The following LRRFIP2 variants were observed in gnomAD, a reference collection of about 807,000 sequenced individuals.
The protein encoded by LRRFIP2 is leucine-rich repeat flightless-interacting protein 2.
Under a neutral mutation model 125.9 loss-of-function variants are expected in LRRFIP2, and 109 were observed. The observed-to-expected ratio is 0.87, with a 90% CI of 0.74 to 1.01. The LOEUF is 1.01. Ranked by LOEUF, LRRFIP2 falls within the 50% of genes least tolerant of loss-of-function variation. The probability of loss-of-function intolerance (pLI) is 0.00; values close to 1 mark genes in which losing one functional copy is unlikely to be tolerated. For missense variants in LRRFIP2, 850 were observed against 862.3 expected (o/e 0.99, Z 0.18); for synonymous variants, 291 against 293.1 (o/e 0.99, Z 0.07).
chr3:37,171,058 A>T (rs1469267419), intron 1 of LRRFIP2: 8 of 152,350 alleles, frequency 5.3e-5, no homozygotes, highest in African/African-American at 1.9e-4. Context: ...TGGGCATCAG[A>T]GTGAGACCCT....
At chr3:37,108,217 G>T in intron 12 of LRRFIP2, 88 bp from the exon 13 acceptor site, 1 of 1,036,032 alleles carries the variant, frequency 9.7e-7, no homozygotes, top group Non-Finnish European at 1.5e-6. Flanking sequence ...TACCTAACTT[G>T]CCCCTGGTTC....
chr3:37,115,040 C>A lies in LRRFIP2; in HGVS notation c.372+14G>T. The A allele has an allele frequency of 6.3e-7, 1 of 1,590,624 alleles. No homozygotes were observed. The highest frequency in any genetic ancestry group is 1.1e-5 in the South Asian group (1 of 88,876). The stretch of plus-strand genomic sequence containing the variant: ...TAAAATTCCACATATAACACAAAGT[C>A]ATGTGCTACATACTAATGATGAAAG... On this transcript the variant is annotated intron_variant, in intron 7 of 27. Coordinates refer to ENST00000336686, the MANE Select transcript of LRRFIP2 (RefSeq NM_006309.4).
chr3:37,096,496 T>C, intron 16 of LRRFIP2, 120 bp downstream of exon 16: 2 of 662,240 alleles, frequency 3.0e-6, no homozygotes, highest in South Asian at 1.8e-5. Context: ...GGACAGGAAA[T>C]AGATGAAGGG....
intron 9 of LRRFIP2, 104 bp downstream of exon 9, chr3:37,110,887 A>G: frequency 1.1e-6 from 1 of 933,630 alleles, no homozygotes; most frequent in Non-Finnish European, 1.7e-6. Flanking sequence ...GTATATACGT[A>G]GCCATTTACA....
intron 18 of LRRFIP2, among the ~76,000 whole-genome samples, chr3:37,089,214 C>G (rs769735061): frequency 6.6e-6 from 1 of 152,058 alleles, no homozygotes; most frequent in African/African-American, 2.4e-5. Context: ...CTTTGACTTA[C>G]AAAATCGTTA....
At chr3:37,101,594 G>A (rs2094050477) in intron 15 of LRRFIP2, among the ~76,000 whole-genome samples, 1 of 151,468 alleles carries the variant, frequency 6.6e-6, no homozygotes, top group African/African-American at 2.4e-5. Context: ...GAGCCCAGGA[G>A]GTTGAAGTTG....
intron 9 of LRRFIP2, among the ~76,000 whole-genome samples, chr3:37,110,269 C>T (rs1446330987): frequency 1.3e-5 from 2 of 152,140 alleles, no homozygotes; most frequent in Admixed American, 1.3e-4. Context: ...TCAATGAATC[C>T]ATGCACTAAA....
chr3:37,073,401 T>G (rs1370862167), intron 20 of LRRFIP2, among the ~76,000 whole-genome samples: 2 of 152,188 alleles, frequency 1.3e-5, no homozygotes, highest in South Asian at 4.1e-4. Flanking sequence ...ATTATATTAT[T>G]TTGAAACATT....
intron 1 of LRRFIP2, among the ~76,000 whole-genome samples, chr3:37,160,116 A>T (rs1346987613): frequency 1.3e-5 from 2 of 151,428 alleles, no homozygotes; most frequent in Non-Finnish European, 2.9e-5. Context: ...CCTATTCTCC[A>T]GGATACCAGA....
chr3:37,055,270 T>C (rs2086487592), intron 25 of LRRFIP2, 105 bp from the exon 26 acceptor site: 1 of 669,082 alleles, frequency 1.5e-6, no homozygotes, highest in South Asian at 2.2e-5. Flanking sequence ...AGTCTTAAGA[T>C]TACAAAATAC....
At chr3:37,129,004 A>T in intron 3 of LRRFIP2, 59 bp downstream of exon 3, 1 of 1,430,734 alleles carries the variant, frequency 7.0e-7, no homozygotes, top group Non-Finnish European at 9.9e-7. Flanking sequence ...AGAATAAACT[A>T]GCCAAGTACT....
chr3:37,096,949 T>C (rs1322083387), intron 15 of LRRFIP2, among the ~76,000 whole-genome samples: 1 of 152,082 alleles, frequency 6.6e-6, no homozygotes, highest in East Asian at 1.9e-4. Context: ...GAAGGCTACA[T>C]ATAAAGTTTT....
chr3:37,093,902 A>G (rs2093596236), intron 17 of LRRFIP2, among the ~76,000 whole-genome samples: 1 of 152,118 alleles, frequency 6.6e-6, no homozygotes, highest in South Asian at 2.1e-4. Context: ...TTCCCCCTTC[A>G]ATTACTTTCC....
chr3:37,164,724 A>G (rs2096433558), intron 1 of LRRFIP2, among the ~76,000 whole-genome samples: 1 of 151,808 alleles, frequency 6.6e-6, no homozygotes, highest in South Asian at 2.1e-4. Flanking sequence ...CCGTCTCAAA[A>G]AAAAAAAAAA....
chr3:37,071,410 C>T (rs2091158609), intron 21 of LRRFIP2, among the ~76,000 whole-genome samples: 2 of 152,122 alleles, frequency 1.3e-5, no homozygotes, highest in Non-Finnish European at 2.9e-5. Context: ...GTGGGTCTCA[C>T]TATGTTGCCC....
intron 19 of LRRFIP2, among the ~76,000 whole-genome samples, chr3:37,078,725 C>G (rs183877789): frequency 5.9e-5 from 9 of 152,268 alleles, no homozygotes; most frequent in African/African-American, 2.2e-4. Context: ...TAAAACAGAA[C>G]TAGGGCTCCT....
At chr3:37,100,060 C>T (rs921776066) in intron 15 of LRRFIP2, among the ~76,000 whole-genome samples, 1 of 152,080 alleles carries the variant, frequency 6.6e-6, no homozygotes, top group East Asian at 1.9e-4. Context: ...AGTTGGACTA[C>T]AGCATACCCT....
rs575229567 is a variant in LRRFIP2, at chr3:37,132,994, C to T, written c.91-3845G>A. On this transcript the variant is annotated intron_variant, in intron 2 of 27. Transcript: ENST00000336686. ...ATCTCAGCACTTTAGGAGGACAAGG[C>T]GGGCAGATCACTTGAGACCAGGAGT... Among the ~76,000 whole-genome samples the T allele has an allele frequency of 7.9e-5, 12 of 152,298 alleles. No individual in the cohort carries two copies. The South Asian group carries it at 1.0e-3, about 13-fold the overall frequency.
At chr3:37,153,026 G>T (rs542023744) in intron 1 of LRRFIP2, among the ~76,000 whole-genome samples, 1 of 152,228 alleles carries the variant, frequency 6.6e-6, no homozygotes, top group South Asian at 2.1e-4. Flanking sequence ...TTTAACAGTG[G>T]TTTTTTTAGG....
Sources: allele counts gnomAD v4.1 joint callset (sites outside exome capture counted in the v4.1 genomes callset), GRCh38; gene constraint gnomAD v4.1.1; transcripts MANE v1.5; gene names NCBI Gene and HGNC (gene_info 2026-07-23, HGNC 2026-07-21).